WASL: variants seen among roughly 807,000 people sequenced by gnomAD.
WASL encodes the protein WASP like actin nucleation promoting factor, also known as actin nucleation-promoting factor WASL.
WASL carries 20 observed loss-of-function variants against 55.5 expected under a neutral mutation model. That is an observed-to-expected ratio of 0.36 (90% CI 0.25 to 0.52). The LOEUF is 0.52. Ranked by LOEUF, WASL falls within the 20% of genes least tolerant of loss-of-function variation. The pLI is 0.92. For missense variants in WASL, 504 were observed against 622.5 expected, an observed-to-expected ratio of 0.81 and a Z score of 2.03; for synonymous variants, 249 against 217.6, an observed-to-expected ratio of 1.14 and a Z score of -1.27.
chr7:123,696,973 T>A lies in WASL; in HGVS notation c.461-226A>T, dbSNP rs1245046631. Reference sequence around the variant, plus strand: ...CTATTTCAAAGCAAACTTACATTTTTATGCCATTAAATTTCATAAAGAATA... The same window carrying A: ...CTATTTCAAAGCAAACTTACATTTTAATGCCATTAAATTTCATAAAGAATA... On this transcript the variant is annotated intron_variant, in intron 5 of 10. Coordinates refer to ENST00000223023, the MANE Select transcript of WASL (RefSeq NM_003941.4). Among the ~76,000 whole-genome samples the A allele has an allele frequency of 2.6e-5, 4 of 152,242 alleles. 1 individual carries two copies. In the South Asian group the frequency reaches 8.3e-4, roughly 32 times the overall value.
chr7:123,689,697 T>G (rs1347111763), intron 9 of WASL, among the ~76,000 whole-genome samples: 1 of 152,120 alleles, frequency 6.6e-6, no homozygotes, highest in Non-Finnish European at 1.5e-5. Context: ...GGAGATGAGT[T>G]GATCAACTTT....
chr7:123,692,418 T>G lies in WASL; in HGVS notation c.1276A>C (p.Ser426Arg). Residue 426 changes from serine to arginine, a missense_variant, in exon 9 of 11, where the codon AGT becomes CGT. Physicochemically the swap from Ser to Arg is moderately radical, Grantham distance 110. Transcript: ENST00000223023. The stretch of plus-strand genomic sequence containing the variant: ...CGTCCAGAGCAGGACACTGGCCGAC[T>G]GTTCTGCTCCACTTTTTTTAGCTGA... ...GAQLKKVEQN[S>R]RPVSCSGRDA... is the part of the protein sequence containing the mutation. 6.2e-7 allele frequency: 1 copy of G among 1,614,176 alleles called. No individual in the cohort carries two copies. The highest frequency in any genetic ancestry group is 1.1e-5 in the South Asian group (1 of 91,080).
chr7:123,710,238 A>G (rs1803733656), intron 1 of WASL, among the ~76,000 whole-genome samples: 1 of 151,714 alleles, frequency 6.6e-6, no homozygotes, highest in Non-Finnish European at 1.5e-5. Context: ...CTAAACTAGA[A>G]ATTAAGAAAA....
intron 1 of WASL, among the ~76,000 whole-genome samples, chr7:123,715,675 T>C (rs1803830386): frequency 6.6e-6 from 1 of 152,170 alleles, no homozygotes; most frequent in African/African-American, 2.4e-5. Context: ...AATCACTTTA[T>C]TATATACAAA....
At chr7:123,722,649 G>A (rs944770542) in intron 1 of WASL, among the ~76,000 whole-genome samples, 2 of 151,928 alleles carry the variant, frequency 1.3e-5, no homozygotes, top group Non-Finnish European at 1.5e-5. Flanking sequence ...GAAACCCCAC[G>A]CCTCTATTAA....
chr7:123,699,101 C>A (rs1489931136), intron 5 of WASL, among the ~76,000 whole-genome samples: 1 of 151,980 alleles, frequency 6.6e-6, no homozygotes, highest in African/African-American at 2.4e-5. Flanking sequence ...TTAGGTACTC[C>A]CTGGCCAGGC....
chr7:123,727,984 G>T (rs1050577812), intron 1 of WASL, among the ~76,000 whole-genome samples: 28 of 152,094 alleles, frequency 1.8e-4, no homozygotes, highest in African/African-American at 6.3e-4. Flanking sequence ...AACCTTACTT[G>T]CTTTATTTGA....
At position 123,731,560 on chromosome 7, in the gene WASL, A is replaced by G. The variant is rs537640295; in HGVS notation, c.117+17058T>C. ...CAAGAGAGACCACATTTTGGGCCAT[A>G]AAACACACCTTAACAAATTTAAAAG... On this transcript the variant is annotated intron_variant, in intron 1 of 10. Transcript: ENST00000223023. Among the ~76,000 whole-genome samples the G allele has an allele frequency of 2.5e-4, 38 of 152,344 alleles. No homozygotes were observed. In the South Asian group the frequency reaches 7.5e-3, roughly 30 times the overall value.
chr7:123,722,509 G>A (rs1381233481), intron 1 of WASL, among the ~76,000 whole-genome samples: 1 of 152,142 alleles, frequency 6.6e-6, no homozygotes, highest in African/African-American at 2.4e-5. Flanking sequence ...AACCTAAAAA[G>A]GAGATATGTT....
chr7:123,698,604 C>T (rs1428840659), intron 5 of WASL, among the ~76,000 whole-genome samples: 1 of 151,790 alleles, frequency 6.6e-6, no homozygotes, highest in African/African-American at 2.4e-5. Flanking sequence ...TTCAAAAATT[C>T]CATAGGAAGT....
intron 4 of WASL, among the ~76,000 whole-genome samples, chr7:123,705,981 G>A (rs1803663641): frequency 1.3e-5 from 2 of 151,692 alleles, no homozygotes; most frequent in Admixed American, 1.3e-4. Flanking sequence ...TGGGCCCTTC[G>A]GTAAATCTAA....
At chr7:123,732,213 C>G (rs539892226) in intron 1 of WASL, among the ~76,000 whole-genome samples, 2 of 152,236 alleles carry the variant, frequency 1.3e-5, no homozygotes, top group Admixed American at 6.5e-5. Flanking sequence ...GCCTGTAGTC[C>G]CGGCTACTCA....
intron 1 of WASL, among the ~76,000 whole-genome samples, chr7:123,735,736 G>C (rs2116820945): frequency 6.6e-6 from 1 of 152,130 alleles, no homozygotes; most frequent in South Asian, 2.1e-4. Context: ...CTATCCGAAA[G>C]AAACACAGAA....
chr7:123,726,246 G>A (rs1402452554), intron 1 of WASL, among the ~76,000 whole-genome samples: 1 of 152,068 alleles, frequency 6.6e-6, no homozygotes, highest in Non-Finnish European at 1.5e-5. Context: ...TCAATTCAAT[G>A]ACAAAAGATA....
intron 1 of WASL, among the ~76,000 whole-genome samples, chr7:123,722,384 T>G (rs867492354): frequency 6.6e-6 from 1 of 152,218 alleles, no homozygotes; most frequent in Non-Finnish European, 1.5e-5. Flanking sequence ...ATTCACAAAA[T>G]GTCTGGCTAA....
chr7:123,732,847 T>G (rs574649910), intron 1 of WASL, among the ~76,000 whole-genome samples: 1 of 152,196 alleles, frequency 6.6e-6, no homozygotes, highest in African/African-American at 2.4e-5. Flanking sequence ...CAAAACCAAG[T>G]GAAATTTATT....
At chr7:123,688,975 AATTT>A in intron 10 of WASL, 63 bp downstream of exon 10, 2 of 1,363,868 alleles carry the variant, frequency 1.5e-6, no homozygotes, top group Non-Finnish European at 2.1e-6. Context: ...CAAACATTCA[AATTT>A]ATTAAACACA....
chr7:123,721,772 G>T (rs1295296933), intron 1 of WASL, among the ~76,000 whole-genome samples: 1 of 152,108 alleles, frequency 6.6e-6, no homozygotes, highest in Non-Finnish European at 1.5e-5. Flanking sequence ...ATTTGGTCAG[G>T]CGTGGTGGCG....
intron 1 of WASL, among the ~76,000 whole-genome samples, chr7:123,720,127 C>T (rs1803916164): frequency 6.6e-6 from 1 of 152,148 alleles, no homozygotes; most frequent in Non-Finnish European, 1.5e-5. Context: ...GAATTAAAAT[C>T]AGTTCAGTAA....
Sources: gnomAD v4.1 joint callset for allele counts (sites outside exome capture counted in the v4.1 genomes callset) on GRCh38, gnomAD v4.1.1 for gene constraint, MANE v1.5 for transcripts, NCBI Gene and HGNC (gene_info 2026-07-23, HGNC 2026-07-21) for gene names.